SMG6: variants seen among roughly 807,000 people sequenced by gnomAD.
The protein encoded by SMG6 is SMG6 nonsense mediated mRNA decay factor.
SMG6 carries 66 observed loss-of-function variants against 142.2 expected under a neutral mutation model. The ratio of observed to expected loss-of-function variants is 0.46; its 90% confidence interval spans 0.38 to 0.57. SMG6 has a LOEUF of 0.57. Among genes scored for constraint, SMG6 ranks in the 20% least tolerant of loss-of-function variants. SMG6 has a pLI of 0.00. For synonymous variants in SMG6, 779 were observed against 702.4 expected (o/e 1.11, Z -1.72); for missense variants, 1,793 against 1,832.0 (o/e 0.98, Z 0.39).
At chr17:2,302,914 G>T (rs1403495570) in intron 1 of SMG6, 1 of 965,144 alleles carries the variant, frequency 1.0e-6, no homozygotes. Flanking sequence ...CAATTTCACA[G>T]ACTGGCCGCA....
intron 9 of SMG6, among the ~76,000 whole-genome samples, chr17:2,244,067 T>C (rs1464426289): frequency 6.6e-6 from 1 of 152,184 alleles, no homozygotes; most frequent in East Asian, 1.9e-4. Context: ...TTTCCAGGAA[T>C]TTAAGCAGTC....
chr17:2,195,575 T>A (rs946815714), intron 10 of SMG6, among the ~76,000 whole-genome samples: 1 of 152,260 alleles, frequency 6.6e-6, no homozygotes, highest in Non-Finnish European at 1.5e-5. Flanking sequence ...AAACATTTGC[T>A]GCTCATAATA....
At chr17:2,112,507 C>CA (rs936042210) in intron 13 of SMG6, among the ~76,000 whole-genome samples, 11 of 132,662 alleles carry the variant, frequency 8.3e-5, no homozygotes, top group Admixed American at 2.5e-4. Flanking sequence ...GACTCTGTCT[C>CA]AAAAAAAATA....
Position 2,299,777 on chromosome 17 carries a change from G to A in SMG6, c.976C>T (p.His326Tyr). 6.2e-7 allele frequency: 1 copy of A among 1,614,164 alleles called. No individual in the cohort carries two copies. The highest frequency in any genetic ancestry group is 8.5e-7 in the Non-Finnish European group (1 of 1,180,028). Reference protein sequence around the residue: ...GPRRSSERKRHLERNWSGRGE... With the variant: ...GPRRSSERKRYLERNWSGRGE... ...CGGCCAGACCAGTTTCTTTCTAAAT[G>A]TCTCTTCCTTTCTGAACTTCTCCTG... is the stretch of plus-strand genomic sequence containing the variant. The change falls in exon 2 of 19, where the codon CAT becomes TAT. Residue 326 changes from histidine to tyrosine, a missense_variant. His to Tyr is a moderately conservative substitution (Grantham distance 83, BLOSUM62 2). Around this residue, in one of 3 missense-constraint regions of SMG6, gnomAD observed 1,597 missense variants for 1,584.6 expected, o/e 1.01. Coordinates refer to ENST00000263073, the MANE Select transcript of SMG6 (RefSeq NM_017575.5). This position sits in a 1 kb window ranked among gnomAD's most constrained non-coding sequence, Gnocchi z 4.3.
In SMG6 at chr17:2,283,922, G is replaced by GCAT. The variant is rs1379928560; in HGVS notation, c.2338-188_2338-187insATG. Among the ~76,000 whole-genome samples the GCAT allele has an allele frequency of 1.4e-3, 220 of 152,070 alleles. 2 individuals are homozygous for GCAT. The highest frequency in any genetic ancestry group is 1.0e-4 in the Non-Finnish European group (7 of 67,980). ...GCAATTACATCACAGATCTCTTCTTGCACAGTATTATATCTTACATGCAGA... is the reference window on the plus strand; with the variant it reads ...GCAATTACATCACAGATCTCTTCTTGCATCACAGTATTATATCTTACATGCAGA... On this transcript the variant is annotated intron_variant, in intron 6 of 18. Coordinates refer to ENST00000263073, the MANE Select transcript of SMG6 (RefSeq NM_017575.5).
chr17:2,298,063 A>G lies in SMG6; in HGVS notation c.1848-8T>C. The G allele has an allele frequency of 6.3e-7, 1 of 1,586,598 alleles. No homozygotes were observed. The highest frequency in any genetic ancestry group is 8.5e-7 in the Non-Finnish European group (1 of 1,170,500). ...AGCTGCAGCAGTTCAGCTCTGGAAT[A>G]AAATACATGCAACTTCCAGCTCCAA... is the stretch of plus-strand genomic sequence containing the variant. On this transcript the variant is annotated splice_polypyrimidine_tract_variant and splice_region_variant and intron_variant, in intron 2 of 18. Coordinates refer to ENST00000263073, the MANE Select transcript of SMG6 (RefSeq NM_017575.5).
intron 15 of SMG6, among the ~76,000 whole-genome samples, chr17:2,069,876 CTAT>C (rs2068052599): frequency 6.6e-6 from 1 of 152,210 alleles, no homozygotes; most frequent in East Asian, 1.9e-4. Flanking sequence ...ACCAGCTACA[CTAT>C]TATTTACTCG....
At chr17:2,208,567 C>T (rs942882043) in intron 10 of SMG6, among the ~76,000 whole-genome samples, 1 of 152,178 alleles carries the variant, frequency 6.6e-6, no homozygotes, top group South Asian at 2.1e-4. Context: ...TGAACCAATT[C>T]GTTTCTTTAT....
At chr17:2,124,620 A>G (rs2151527734) in intron 13 of SMG6, among the ~76,000 whole-genome samples, 1 of 152,246 alleles carries the variant, frequency 6.6e-6, no homozygotes, top group South Asian at 2.1e-4. Flanking sequence ...TATTTTACTT[A>G]GTCAGGTTTC....
At chr17:2,238,358 CT>C (rs143425390) in intron 9 of SMG6, among the ~76,000 whole-genome samples, 27 of 149,994 alleles carry the variant, frequency 1.8e-4, no homozygotes, top group African/African-American at 2.4e-4. Flanking sequence ...AAACAAAACT[CT>C]TTTTTTTTTC....
At chr17:2,124,634 T>C (rs1271851331) in intron 13 of SMG6, among the ~76,000 whole-genome samples, 1 of 152,072 alleles carries the variant, frequency 6.6e-6, no homozygotes, top group Non-Finnish European at 1.5e-5. Flanking sequence ...AGGTTTCCTG[T>C]TTACTCTGAG....
intron 17 of SMG6, 107 bp from the exon 18 acceptor site, chr17:2,065,261 G>A (rs1189985826): frequency 2.8e-6 from 3 of 1,069,522 alleles, no homozygotes; most frequent in East Asian, 2.4e-5. Context: ...CCACCTCCCC[G>A]ATCCCTCCCA....
At chr17:2,270,042 C>A (rs1234818519) in intron 8 of SMG6, among the ~76,000 whole-genome samples, 1 of 151,910 alleles carries the variant, frequency 6.6e-6, no homozygotes. Flanking sequence ...ACGAAAAAAA[C>A]AAAAAAACTA....
rs760412051 is a variant in SMG6 at position 2,297,917 on chromosome 17, C to T, written c.1986G>A (p.Pro662=). The part of the protein sequence containing the change: ...IEKFRQLVKD[P]NVENPEQIRN... ...GAATCTGTTCTGGGTTCTCAACATT[C>T]GGATCCTTGACAAGTTGCCTGAACT... is the stretch of plus-strand genomic sequence containing the variant. The change falls in exon 3 of 19, where the codon CCG becomes CCA. Residue 662 remains proline (P), a synonymous_variant. Coordinates refer to ENST00000263073, the MANE Select transcript of SMG6 (RefSeq NM_017575.5). 4.3e-6 allele frequency: 7 copies of T among 1,613,062 alleles called. No homozygotes were observed. The highest frequency in any genetic ancestry group is 2.2e-5 in the East Asian group (1 of 44,876).
At position 2,061,475 on chromosome 17, in the gene SMG6, G is replaced by T. The variant is rs2067774295; in HGVS notation, c.*17C>A. ...TCAGGAACGGTTCCACGGGGGGGGG[G>T]CCCCAGTGTGGCTCCCTCAGCCCAC... On this transcript the variant is annotated 3_prime_UTR_variant, in exon 19 of 19. Coordinates refer to ENST00000263073, the MANE Select transcript of SMG6 (RefSeq NM_017575.5). 2 of 1,565,316 alleles carry T rather than the reference G, an allele frequency of 1.3e-6. No individual in the cohort carries two copies. The highest frequency in any genetic ancestry group is 1.7e-6 in the Non-Finnish European group (2 of 1,156,798).
chr17:2,152,102 A>G (rs1315214977), intron 13 of SMG6, among the ~76,000 whole-genome samples: 2 of 152,206 alleles, frequency 1.3e-5, no homozygotes, highest in Non-Finnish European at 2.9e-5. Context: ...TGAGCCGGAG[A>G]GGCCTTGATG....
chr17:2,297,783 A>T, intron 3 of SMG6, 80 bp downstream of exon 3: 1 of 1,472,216 alleles, frequency 6.8e-7, no homozygotes, highest in East Asian at 2.3e-5. Flanking sequence ...TCTAAAACAT[A>T]GTATTTCAGG....
rs370985738 is a variant in SMG6, at chr17:2,172,770, G to C, written c.3245C>G (p.Pro1082Arg). The C allele has an allele frequency of 6.2e-7, 1 of 1,614,116 alleles. No homozygotes were observed. Among genetic ancestry groups the C allele is most frequent in the Non-Finnish European group, 8.5e-7 (1 of 1,180,020 alleles). The change falls in exon 13 of 19, where the codon CCG (proline) becomes CGG (arginine). Residue 1082 changes from proline (P) to arginine (R), a missense_variant. Physicochemically the swap from Pro to Arg is moderately radical, Grantham distance 103. This residue lies in a region of SMG6 where 1,597 missense variants were observed against 1,584.6 expected (regional missense o/e 1.01). Transcript: ENST00000263073. ...GATAAGAAGGGTGAGGTCATCATCC[G>C]GGTCCTTGTACAGTGGCACCTCAGA... ...NQSEVPLYKD[P>R]DDDLTLLILE...
At chr17:2,087,103 G>A (rs2068584192) in intron 13 of SMG6, 1 of 1,290,338 alleles carries the variant, frequency 7.7e-7, no homozygotes, top group South Asian at 1.2e-5. Flanking sequence ...CATTTTACAG[G>A]TGCAGGTGTT....
Sources: gnomAD v4.1 joint callset for allele counts (sites outside exome capture counted in the v4.1 genomes callset) on GRCh38, gnomAD v4.1.1 for gene constraint, gnomAD v4.1.1 regional missense constraint, Gnocchi (gnomAD v3.1) non-coding constraint, MANE v1.5 for transcripts, NCBI Gene and HGNC (gene_info 2026-07-23, HGNC 2026-07-21) for gene names.